PTTG1IP: variants seen among roughly 807,000 people sequenced by gnomAD.
The protein encoded by PTTG1IP is pituitary tumor-transforming gene 1 protein-interacting protein.
PTTG1IP carries 16 observed loss-of-function variants against 24.4 expected under a neutral mutation model. The observed-to-expected ratio is 0.66, with a 90% CI of 0.44 to 1.00. The LOEUF is 1.00. Among genes scored for constraint, PTTG1IP ranks in the 50% least tolerant of loss-of-function variants. The probability of loss-of-function intolerance (pLI) is 0.00; values close to 1 mark genes in which losing one functional copy is unlikely to be tolerated. For missense variants in PTTG1IP, 241 were observed against 245.8 expected (o/e 0.98, Z 0.13); for synonymous variants, 89 against 96.8 (o/e 0.92, Z 0.47).
In PTTG1IP at chr21:44,851,208, G is replaced by C. The variant is rs1480183976; in HGVS notation, c.*373C>G. Reference sequence around the variant, plus strand: ...CTTCCCTGTGTTGCGTGTGAAGCTTGTTAGTGGACAGAGAGAAACGCAGGG... The same window carrying C: ...CTTCCCTGTGTTGCGTGTGAAGCTTCTTAGTGGACAGAGAGAAACGCAGGG... On this transcript the variant is annotated 3_prime_UTR_variant, in exon 6 of 6. Coordinates refer to ENST00000330938, the MANE Select transcript of PTTG1IP (RefSeq NM_004339.4). 5.6e-5 allele frequency: 51 copies of C among 914,570 alleles called. No individual in the cohort carries two copies. The highest frequency in any genetic ancestry group is 3.5e-4 in the Middle Eastern group (1 of 2,898). 56.7% of individuals were successfully genotyped at this position (914,570 alleles called of 1,614,324 possible). A position where few individuals can be genotyped will look rare whatever the true frequency, so the allele number is the denominator to read the frequency against.
intron 1 of PTTG1IP, among the ~76,000 whole-genome samples, chr21:44,869,680 C>G (rs2083568931): frequency 6.6e-6 from 1 of 152,188 alleles, no homozygotes; most frequent in African/African-American, 2.4e-5. Context: ...AGTGCTAAGG[C>G]AAACAGAGCC....
At chr21:44,870,036 G>C (rs2282115) in intron 1 of PTTG1IP, among the ~76,000 whole-genome samples, 28,855 of 152,176 alleles carry the variant, frequency 0.19, 3,407 homozygotes, top group South Asian at 0.3. Context: ...CAGACCTCTG[G>C]ATTACCGGTC....
intron 1 of PTTG1IP, among the ~76,000 whole-genome samples, chr21:44,868,986 CA>C (rs1177636811): frequency 6.6e-6 from 1 of 152,222 alleles, no homozygotes; most frequent in African/African-American, 2.4e-5. Context: ...GATGATGGGA[CA>C]AAGTGACAGC....
intron 1 of PTTG1IP, among the ~76,000 whole-genome samples, chr21:44,871,117 C>CA (rs1476314537): frequency 2.6e-5 from 4 of 152,064 alleles, no homozygotes; most frequent in Non-Finnish European, 5.9e-5. Context: ...GATATGGAGA[C>CA]AAAAAAATGT....
chr21:44,860,837 C>T (rs1379398805), intron 3 of PTTG1IP, among the ~76,000 whole-genome samples: 1 of 152,034 alleles, frequency 6.6e-6, no homozygotes, highest in African/African-American at 2.4e-5. Context: ...GACAGTCTCG[C>T]TCTGTCGCCA....
At position 44,860,344 on chromosome 21, in the gene PTTG1IP, G is replaced by A. The variant is rs144667945; in HGVS notation, c.277+819C>T. Among the ~76,000 whole-genome samples, 751 of 151,976 alleles carry A rather than the reference G, an allele frequency of 4.9e-3. 3 individuals are homozygous for A. The highest frequency in any genetic ancestry group is 0.011 in the Admixed American group (172 of 15,266). Reference sequence around the variant, plus strand: ...AGATAGTGCCATTGCACTCCAGCCCGTCTCAAAAATAAATAAATAAATAAA... The same window carrying A: ...AGATAGTGCCATTGCACTCCAGCCCATCTCAAAAATAAATAAATAAATAAA... On this transcript the variant is annotated intron_variant, in intron 3 of 5. Coordinates refer to ENST00000330938, the MANE Select transcript of PTTG1IP (RefSeq NM_004339.4).
chr21:44,855,498 T>C (rs1008029063), intron 4 of PTTG1IP, among the ~76,000 whole-genome samples: 1 of 152,202 alleles, frequency 6.6e-6, no homozygotes, highest in East Asian at 1.9e-4. Flanking sequence ...TCTACTCTTT[T>C]CAATAAAAGC....
chr21:44,856,495 C>T, intron 3 of PTTG1IP, 131 bp from the exon 4 acceptor site: 1 of 1,009,796 alleles, frequency 9.9e-7, no homozygotes, highest in African/African-American at 1.6e-5. Flanking sequence ...CTCGGCCAGG[C>T]TGCTGGCTCC....
At chr21:44,867,484 G>A (rs1474401755) in intron 1 of PTTG1IP, among the ~76,000 whole-genome samples, 3 of 152,186 alleles carry the variant, frequency 2.0e-5, no homozygotes, top group Non-Finnish European at 4.4e-5. Flanking sequence ...TCTCGGTCGC[G>A]GCTATGTGGG....
intron 3 of PTTG1IP, among the ~76,000 whole-genome samples, chr21:44,857,716 C>G (rs1267497462): frequency 1.3e-5 from 2 of 152,230 alleles, no homozygotes; most frequent in Non-Finnish European, 2.9e-5. Context: ...CGCAGCCTCA[C>G]CCCTCTGCTG....
rs1279579098 is a variant in PTTG1IP at position 44,850,720 on chromosome 21, C to G, written c.*861G>C. 3 of 152,310 alleles carry G rather than the reference C, an allele frequency of 2.0e-5. No individual in the cohort carries two copies. Among genetic ancestry groups the G allele is most frequent in the Non-Finnish European group, 4.4e-5 (3 of 68,090 alleles). The allele number at this position is 152,310 out of a possible 1,614,324, so 9.4% of individuals were successfully genotyped here. A position where few individuals can be genotyped will look rare whatever the true frequency, so the allele number is the denominator to read the frequency against. On this transcript the variant is annotated 3_prime_UTR_variant, in exon 6 of 6. Coordinates refer to ENST00000330938, the MANE Select transcript of PTTG1IP (RefSeq NM_004339.4). ...GAGAGGCCTGCAGGCACTGAGGATG[C>G]CAACAGGGCTGGAGAGAGCTGCAGC...
Position 44,856,258 on chromosome 21 carries a change from C to T in PTTG1IP, c.384G>A (p.Lys128=), listed in dbSNP as rs151308626. Residue 128 remains lysine (K), a synonymous_variant, in exon 4 of 6, where the codon AAG becomes AAA. Transcript: ENST00000330938. ...CCCCRRKRSR[K]PDRSEEKAMR... is the part of the protein sequence containing the mutation. ...TGGCCTTCTCCTCACTCCTGTCCGG[C>T]TTCCGGCTCCTCTTCCTCCTGCAGC... 2,932 of 1,614,214 alleles carry T rather than the reference C, an allele frequency of 1.8e-3. 7 individuals carry two copies. The highest frequency in any genetic ancestry group is 2.2e-3 in the Non-Finnish European group (2,598 of 1,180,024).
At chr21:44,859,612 G>C (rs1228906415) in intron 3 of PTTG1IP, among the ~76,000 whole-genome samples, 1 of 152,176 alleles carries the variant, frequency 6.6e-6, no homozygotes, top group East Asian at 1.9e-4. Context: ...AGGCTCCCCA[G>C]GTCCAGGAGC....
intron 2 of PTTG1IP, among the ~76,000 whole-genome samples, chr21:44,862,550 C>G (rs769931224): frequency 6.6e-6 from 1 of 152,146 alleles, no homozygotes; most frequent in Admixed American, 6.5e-5. Context: ...TGCCGTTCGG[C>G]AGCACCTCAT....
intron 3 of PTTG1IP, among the ~76,000 whole-genome samples, chr21:44,858,791 C>T (rs779313760): frequency 9.9e-5 from 15 of 152,238 alleles, no homozygotes; most frequent in Non-Finnish European, 2.2e-4. Context: ...ATCGGCTAGT[C>T]ACTGCAGAAA....
At chr21:44,870,278 C>T (rs962053635) in intron 1 of PTTG1IP, among the ~76,000 whole-genome samples, 7 of 152,140 alleles carry the variant, frequency 4.6e-5, no homozygotes, top group South Asian at 2.1e-4. Flanking sequence ...CAGTGGCTCA[C>T]GCCTGTAATC....
intron 3 of PTTG1IP, 57 bp from the exon 4 acceptor site, chr21:44,856,421 C>A: frequency 6.5e-7 from 1 of 1,542,458 alleles, no homozygotes; most frequent in Admixed American, 1.8e-5. Flanking sequence ...CCACCCAGCA[C>A]AGCAGCCTTC....
At chr21:44,870,569 T>C (rs1365842234) in intron 1 of PTTG1IP, among the ~76,000 whole-genome samples, 2 of 151,624 alleles carry the variant, frequency 1.3e-5, no homozygotes, top group Non-Finnish European at 2.9e-5. Flanking sequence ...AATCATTTGT[T>C]ACTGCTTCAA....
chr21:44,855,548 T>C (rs1157053521), intron 4 of PTTG1IP, among the ~76,000 whole-genome samples: 1 of 152,224 alleles, frequency 6.6e-6, no homozygotes, highest in Non-Finnish European at 1.5e-5. Flanking sequence ...AAAAGCTTTT[T>C]TCATACAAAG....
Sources: allele counts gnomAD v4.1 joint callset (sites outside exome capture counted in the v4.1 genomes callset), GRCh38; gene constraint gnomAD v4.1.1; transcripts MANE v1.5; gene names NCBI Gene and HGNC (gene_info 2026-07-23, HGNC 2026-07-21).